Variants in MYCBP2 observed in about 807,000 individuals in gnomAD.
MYCBP2 encodes MYC binding protein 2.
A neutral mutation model predicts 525.3 loss-of-function variants in MYCBP2; 120 were observed. That is an observed-to-expected ratio of 0.23 (90% CI 0.20 to 0.27). The LOEUF is 0.27. Among genes scored for constraint, MYCBP2 ranks in the 10% least tolerant of loss-of-function variants. The probability of loss-of-function intolerance (pLI) is 1.00; values close to 1 mark genes in which losing one functional copy is unlikely to be tolerated. For missense variants in MYCBP2, 4,149 were observed against 5,657.1 expected, an observed-to-expected ratio of 0.73 and a Z score of 8.55; for synonymous variants, 1,894 against 1,955.8, an observed-to-expected ratio of 0.97 and a Z score of 0.83.
chr13:77,147,720 A>G (rs922991591), intron 47 of MYCBP2, among the ~76,000 whole-genome samples: 4 of 152,118 alleles, frequency 2.6e-5, no homozygotes, highest in African/African-American at 7.2e-5. Flanking sequence ...TTTCAGTACA[A>G]TGTATTTTCT....
chr13:77,306,868 T>C (rs2079492705), intron 1 of MYCBP2, among the ~76,000 whole-genome samples: 1 of 152,098 alleles, frequency 6.6e-6, no homozygotes, highest in Non-Finnish European at 1.5e-5. Flanking sequence ...AGACTTCAGA[T>C]GGTGGGATTT....
intron 79 of MYCBP2, among the ~76,000 whole-genome samples, chr13:77,056,593 G>A (rs1035333993): frequency 4.6e-5 from 7 of 152,146 alleles, no homozygotes; most frequent in Admixed American, 6.5e-5. Context: ...GTGGTACTGA[G>A]GGTTCCAATT....
chr13:77,284,290 C>T (rs76046348), intron 3 of MYCBP2, among the ~76,000 whole-genome samples: 15,007 of 150,822 alleles, frequency 0.1, 787 homozygotes, highest in Admixed American at 0.14. Flanking sequence ...AGGAATGGGA[C>T]AGCCACACAC....
chr13:77,124,542 C>T (rs191869858), intron 54 of MYCBP2, among the ~76,000 whole-genome samples: 31 of 152,252 alleles, frequency 2.0e-4, no homozygotes, highest in African/African-American at 7.5e-4. Flanking sequence ...TACAAAACTT[C>T]ATGAGCAACT....
intron 44 of MYCBP2, among the ~76,000 whole-genome samples, chr13:77,160,629 G>A (rs73241412): frequency 0.02 from 2,972 of 152,222 alleles, 55 homozygotes; most frequent in Middle Eastern, 0.075. Flanking sequence ...ATTTCGAAGT[G>A]TAATTATAAA....
chr13:77,316,924 T>C (rs2081013808), intron 1 of MYCBP2, among the ~76,000 whole-genome samples: 1 of 151,214 alleles, frequency 6.6e-6, no homozygotes, highest in African/African-American at 2.4e-5. Flanking sequence ...ACATTAACCC[T>C]GTCCAAATGG....
chr13:77,200,141 T>A (rs927323092), intron 26 of MYCBP2, among the ~76,000 whole-genome samples: 67 of 151,830 alleles, frequency 4.4e-4, no homozygotes, highest in South Asian at 8.3e-4. Context: ...TTGAAAACTT[T>A]GAAAAAAATT....
rs2046537214 is a variant in MYCBP2 at position 77,098,306 on chromosome 13, T to C, written c.8848A>G (p.Thr2950Ala). Residue 2950 changes from threonine (T) to alanine (A), a missense_variant, in exon 56 of 83, where the codon ACC becomes GCC. This residue lies in a region of MYCBP2 where 653 missense variants were observed against 744.7 expected (regional missense o/e 0.88). Coordinates refer to ENST00000544440, the MANE Select transcript of MYCBP2 (RefSeq NM_015057.5). The part of the protein sequence containing the change: ...TLKTNSLTDS[T>A]CDDSSEFKSV... Reference sequence around the variant, plus strand: ...TTAAATTCACTGCTGTCATCGCAGGTGCTGTCTGTTAGACTATTTGTTTTT... The same window carrying C: ...TTAAATTCACTGCTGTCATCGCAGGCGCTGTCTGTTAGACTATTTGTTTTT... The C allele has an allele frequency of 6.2e-7, 1 of 1,611,556 alleles. No individual in the cohort carries two copies. The highest frequency in any genetic ancestry group is 1.7e-5 in the Admixed American group (1 of 59,932).
chr13:77,233,288 C>A, intron 17 of MYCBP2, 25 bp from the exon 18 acceptor site: 1 of 1,523,230 alleles, frequency 6.6e-7, no homozygotes, highest in Non-Finnish European at 9.1e-7. Flanking sequence ...TTTGTATGTG[C>A]ATAGAAAAAC....
chr13:77,270,810 A>G (rs755835054), intron 5 of MYCBP2, among the ~76,000 whole-genome samples: 1 of 152,054 alleles, frequency 6.6e-6, no homozygotes, highest in Non-Finnish European at 1.5e-5. Flanking sequence ...CAAATCTATT[A>G]TTGCCTTGTG....
chr13:77,261,347 A>C lies in MYCBP2; in HGVS notation c.1676T>G (p.Leu559Arg). The C allele has an allele frequency of 6.2e-7, 1 of 1,612,858 alleles. No homozygotes were observed. ...KIYYTGKYQSLGIKQGGPSAG... is the reference protein window; with the variant it reads ...KIYYTGKYQSRGIKQGGPSAG... ...TGAAGGACCACCTTGTTTGATTCCA[A>C]GACTCTGGTATTTGCCAGTGTAATA... Residue 559 changes from leucine (L) to arginine (R), a missense_variant, in exon 12 of 83, where the codon CTT becomes CGT. By Grantham distance (102) the Leu-to-Arg change is moderately radical. Transcript: ENST00000544440.
At chr13:77,072,300 GA>G (rs56238720) in intron 68 of MYCBP2, among the ~76,000 whole-genome samples, 71,465 of 121,626 alleles carry the variant, frequency 0.59, 17,869 homozygotes, top group Admixed American at 0.68. Context: ...CAAAAAAAAA[GA>G]AAAAAAAAAA....
intron 20 of MYCBP2, among the ~76,000 whole-genome samples, chr13:77,222,316 TATG>T (rs1207402086): frequency 2.0e-5 from 3 of 152,220 alleles, no homozygotes; most frequent in African/African-American, 4.8e-5. Flanking sequence ...TCTTTGCAAG[TATG>T]ATATTAGTCA....
chr13:77,157,701 G>A (rs1216781104), intron 45 of MYCBP2, among the ~76,000 whole-genome samples: 1 of 151,918 alleles, frequency 6.6e-6, no homozygotes, highest in African/African-American at 2.4e-5. Flanking sequence ...AGTGAGCTGA[G>A]ATCATGCCAC....
At position 77,251,159 on chromosome 13, in the gene MYCBP2, G is replaced by A. The variant is rs910114575; in HGVS notation, c.2373C>T (p.Val791=). 1.2e-6 allele frequency: 2 copies of A among 1,613,794 alleles called. No individual in the cohort carries two copies. The highest frequency in any genetic ancestry group is 3.3e-5 in the Admixed American group (2 of 60,020). ...GAATCATTGTCTCTTACCCTCCGGG[G>A]ACTCTGTCTGGCCGTCCACTACTGA... The part of the protein sequence containing the change: ...SCVSSGRPDR[V]PGGICGCGSG... Residue 791 remains valine (V), a synonymous_variant, in exon 15 of 83, where the codon GTC becomes GTT. Coordinates refer to ENST00000544440, the MANE Select transcript of MYCBP2 (RefSeq NM_015057.5).
chr13:77,058,192 T>A lies in MYCBP2; in HGVS notation c.13329+26A>T. The A allele has an allele frequency of 6.2e-7, 1 of 1,609,412 alleles. No individual in the cohort carries two copies. Among genetic ancestry groups the A allele is most frequent in the Non-Finnish European group, 8.5e-7 (1 of 1,177,234 alleles). On this transcript the variant is annotated intron_variant, in intron 78 of 82. Coordinates refer to ENST00000544440, the MANE Select transcript of MYCBP2 (RefSeq NM_015057.5). The surrounding 1 kb of genome is among the most constrained non-coding windows in gnomAD (Gnocchi z 4.1). ...TTCCCCATCTTAATGTCTGGATACA[T>A]TCAATACTTTAAAAGCTGAGGCAAC...
intron 82 of MYCBP2, among the ~76,000 whole-genome samples, chr13:77,050,710 T>C (rs1264976629): frequency 6.6e-6 from 1 of 152,150 alleles, no homozygotes; most frequent in Non-Finnish European, 1.5e-5. Flanking sequence ...GAACTTCATA[T>C]GACTTTTTAG....
intron 36 of MYCBP2, 130 bp from the exon 37 acceptor site, chr13:77,174,619 GT>G (rs1244344864): frequency 2.9e-6 from 2 of 686,672 alleles, no homozygotes; most frequent in Non-Finnish European, 4.7e-6. Flanking sequence ...AATTAAATAA[GT>G]TTTTAATGAA....
At chr13:77,109,713 G>A (rs1403689581) in intron 55 of MYCBP2, 1 of 152,214 alleles carries the variant, frequency 6.6e-6, no homozygotes, top group South Asian at 2.1e-4. Flanking sequence ...ACTTGTTGCG[G>A]AAAGTCAGAG....
Sources: allele counts gnomAD v4.1 joint callset (sites outside exome capture counted in the v4.1 genomes callset), GRCh38; gene constraint gnomAD v4.1.1; regional missense constraint gnomAD v4.1.1; non-coding constraint Gnocchi (gnomAD v3.1); transcripts MANE v1.5; gene names NCBI Gene and HGNC (gene_info 2026-07-23, HGNC 2026-07-21).